The following HTR2C variants were observed in gnomAD, a reference collection of about 807,000 sequenced individuals.
The protein encoded by HTR2C is 5-hydroxytryptamine receptor 2C.
HTR2C carries 5 observed loss-of-function variants against 21.0 expected under a neutral mutation model. The observed-to-expected ratio is 0.24, with a 90% CI of 0.12 to 0.50. HTR2C has a LOEUF of 0.50. Ranked by LOEUF, HTR2C falls within the 20% of genes least tolerant of loss-of-function variation. HTR2C has a pLI of 0.98. For synonymous variants in HTR2C, 150 were observed against 145.3 expected (o/e 1.03, Z -0.23); for missense variants, 271 against 371.2 (o/e 0.73, Z 2.22).
At chrX:114,671,879 T>C (rs1931389685) in intron 2 of HTR2C, among the ~76,000 whole-genome samples, 1 of 111,699 alleles carries the variant, frequency 9.0e-6, no homozygotes, top group Non-Finnish European at 1.9e-5. Context: ...AAAATAGCAA[T>C]AGTTGTATTC....
At chrX:114,753,722 G>A (rs1278501073) in intron 4 of HTR2C, among the ~76,000 whole-genome samples, 6 of 111,782 alleles carry the variant, frequency 5.4e-5, no homozygotes, top group Admixed American at 4.8e-4. Flanking sequence ...AATAAAATAT[G>A]TGCGGAATTT....
At chrX:114,703,443 C>T (rs1314234479) in intron 2 of HTR2C, among the ~76,000 whole-genome samples, 1 of 111,170 alleles carries the variant, frequency 9.0e-6, no homozygotes, top group Non-Finnish European at 1.9e-5. Context: ...AACTGAACAA[C>T]CTGCTCCTGA....
chrX:114,677,816 C>T (rs951030107), intron 2 of HTR2C, among the ~76,000 whole-genome samples: 5 of 110,924 alleles, frequency 4.5e-5, no homozygotes, highest in African/African-American at 1.6e-4. Flanking sequence ...AGCTCAGTCC[C>T]GTGTACCCAA....
At chrX:114,774,897 T>A in intron 4 of HTR2C, 2 of 539,638 alleles carry the variant, frequency 3.7e-6, no homozygotes, top group South Asian at 4.7e-5. Context: ...CACCAGGGAA[T>A]CCCCCAGGCA....
intron 2 of HTR2C, among the ~76,000 whole-genome samples, chrX:114,705,313 C>A (rs1265036373): frequency 9.0e-6 from 1 of 111,575 alleles, no homozygotes; most frequent in Non-Finnish European, 1.9e-5. Context: ...AACTATACTA[C>A]AAGGCTACAG....
chrX:114,752,684 A>G (rs2069772070), intron 4 of HTR2C, among the ~76,000 whole-genome samples: 1 of 110,602 alleles, frequency 9.0e-6, no homozygotes, highest in African/African-American at 3.3e-5. Flanking sequence ...CTGAAGTCAC[A>G]ATATCACCCT....
At chrX:114,703,808 C>T (rs1342712797) in intron 2 of HTR2C, among the ~76,000 whole-genome samples, 7 of 108,784 alleles carry the variant, frequency 6.4e-5, no homozygotes, top group African/African-American at 2.0e-4. Flanking sequence ...ATTGATAGAC[C>T]GCTAGCAAGA....
intron 2 of HTR2C, among the ~76,000 whole-genome samples, chrX:114,629,058 T>TATAAA (rs1556403614): frequency 4.5e-5 from 5 of 112,240 alleles, no homozygotes; most frequent in Non-Finnish European, 9.4e-5. Flanking sequence ...TTCCATCTTT[T>TATAAA]TATATTTATA....
Position 114,727,494 on chromosome X carries a change from G to C in HTR2C, c.35+523G>C, listed in dbSNP as rs1466875718. On this transcript the variant is annotated intron_variant, in intron 3 of 5. Coordinates refer to ENST00000276198, the MANE Select transcript of HTR2C (RefSeq NM_000868.4). ...AATAATATACAACATAAAGGGTGTA[G>C]GTAAAGATACAGGAGATTCAAATAA... is the stretch of plus-strand genomic sequence containing the variant. 2.7e-5 allele frequency among the ~76,000 whole-genome samples: 3 copies of C among 111,730 alleles called. No homozygotes were observed. In the Admixed American group the frequency reaches 2.9e-4, roughly 11 times the overall value.
intron 4 of HTR2C, among the ~76,000 whole-genome samples, chrX:114,777,147 A>T (rs1343746421): frequency 8.9e-6 from 1 of 112,280 alleles, no homozygotes; most frequent in Non-Finnish European, 1.9e-5. Flanking sequence ...ATCTATTTCC[A>T]TACTTTTTCT....
chrX:114,790,705 T>G (rs1448436090), intron 4 of HTR2C, among the ~76,000 whole-genome samples: 2 of 111,789 alleles, frequency 1.8e-5, no homozygotes, highest in South Asian at 3.7e-4. Flanking sequence ...TTTCTCTCAT[T>G]TAGAAAATAG....
At chrX:114,634,848 T>C (rs952278697) in intron 2 of HTR2C, among the ~76,000 whole-genome samples, 1 of 111,772 alleles carries the variant, frequency 8.9e-6, no homozygotes. Context: ...ATTCTGCAAC[T>C]TATCATTATT....
chrX:114,806,431 A>G (rs1363026844), intron 4 of HTR2C, among the ~76,000 whole-genome samples: 2 of 26,356 alleles, frequency 7.6e-5, no homozygotes, highest in Non-Finnish European at 1.7e-4. Context: ...CTGTATATAT[A>G]TACACCATAT....
At chrX:114,705,423 T>C (rs1230241567) in intron 2 of HTR2C, among the ~76,000 whole-genome samples, 96 of 108,952 alleles carry the variant, frequency 8.8e-4, no homozygotes, top group African/African-American at 3.0e-3. Flanking sequence ...AACTATCTGA[T>C]CTTTGACAAA....
In HTR2C at chrX:114,726,925, A is replaced by G. The variant is rs376338531; in HGVS notation, c.-12A>G. 2 of 1,118,574 alleles carry G rather than the reference A, an allele frequency of 1.8e-6. No individual in the cohort carries two copies. Among genetic ancestry groups the G allele is most frequent in the Non-Finnish European group, 2.4e-6 (2 of 838,322 alleles). 92.2% of individuals were successfully genotyped at this position (1,118,574 alleles called of 1,213,427 possible). On this transcript the variant is annotated 5_prime_UTR_variant, in exon 3 of 6. Transcript: ENST00000276198. ...CAATTTTAAACTTTGGTTGCTTAAGACTGAAGCAATCATGGTGAACCTGAG... is the reference window on the plus strand; with the variant it reads ...CAATTTTAAACTTTGGTTGCTTAAGGCTGAAGCAATCATGGTGAACCTGAG...
intron 5 of HTR2C, among the ~76,000 whole-genome samples, chrX:114,862,502 C>T (rs995420234): frequency 9.0e-6 from 1 of 110,890 alleles, no homozygotes; most frequent in Non-Finnish European, 1.9e-5. Context: ...ATTGCTTTTG[C>T]TATTTCTGAT....
At chrX:114,791,766 G>GACAC (rs782747297) in intron 4 of HTR2C, among the ~76,000 whole-genome samples, 1 of 108,994 alleles carries the variant, frequency 9.2e-6, no homozygotes, top group Non-Finnish European at 1.9e-5. Flanking sequence ...TAAACACACA[G>GACAC]ACACACACAC....
At chrX:114,651,099 C>T (rs781925011) in intron 2 of HTR2C, among the ~76,000 whole-genome samples, 16 of 111,668 alleles carry the variant, frequency 1.4e-4, no homozygotes, top group Admixed American at 3.8e-4. Flanking sequence ...GGCATAGAAA[C>T]GGAGGCTAGG....
rs915298344 is a variant in HTR2C at position 114,696,623 on chromosome X, T to G, written c.-79-30235T>G. On this transcript the variant is annotated intron_variant, in intron 2 of 5. Coordinates refer to ENST00000276198, the MANE Select transcript of HTR2C (RefSeq NM_000868.4). The stretch of plus-strand genomic sequence containing the variant: ...GAATTAAAGTACACAGATAACAGGT[T>G]TTTTTTTTTCTTTTTTCATTTATCG... Among the ~76,000 whole-genome samples the G allele has an allele frequency of 3.2e-4, 4 of 12,513 alleles. No homozygotes were observed. In the East Asian group the frequency reaches 0.15, roughly 481 times the overall value. 10.9% of individuals were successfully genotyped at this position (12,513 alleles called of 115,157 possible).
Sources: allele counts gnomAD v4.1 joint callset (sites outside exome capture counted in the v4.1 genomes callset), GRCh38; gene constraint gnomAD v4.1.1; transcripts MANE v1.5; gene names NCBI Gene and HGNC (gene_info 2026-07-23, HGNC 2026-07-21).